FBXL17: variants seen among roughly 807,000 people sequenced by gnomAD.
FBXL17 encodes F-box and leucine rich repeat protein 17.
FBXL17 carries 22 observed loss-of-function variants against 66.2 expected under a neutral mutation model. The observed-to-expected ratio is 0.33, with a 90% CI of 0.24 to 0.47. FBXL17 has a LOEUF of 0.47. Ranked by LOEUF, FBXL17 falls within the 20% of genes least tolerant of loss-of-function variation. The probability of loss-of-function intolerance (pLI) is 1.00; values close to 1 mark genes in which losing one functional copy is unlikely to be tolerated. For missense variants in FBXL17, 878 were observed against 948.2 expected, an observed-to-expected ratio of 0.93 and a Z score of 0.97; for synonymous variants, 474 against 400.5, an observed-to-expected ratio of 1.18 and a Z score of -2.19.
At chr5:108,236,015 A>G (rs2150092647) in intron 4 of FBXL17, among the ~76,000 whole-genome samples, 1 of 152,372 alleles carries the variant, frequency 6.6e-6, no homozygotes, top group Non-Finnish European at 1.5e-5. Context: ...AAAAAAATCA[A>G]TAGCAATACT....
chr5:107,949,622 G>C (rs185551288), intron 7 of FBXL17, among the ~76,000 whole-genome samples: 3 of 152,164 alleles, frequency 2.0e-5, no homozygotes, highest in African/African-American at 7.2e-5. Flanking sequence ...AAAGTTTTAC[G>C]TACAGGCTGA....
chr5:108,062,863 C>T (rs552598463), intron 6 of FBXL17, among the ~76,000 whole-genome samples: 30 of 152,224 alleles, frequency 2.0e-4, no homozygotes, highest in Middle Eastern at 6.8e-3. Flanking sequence ...AGAGAGCTTT[C>T]CTTTCACCTC....
intron 8 of FBXL17, 35 bp downstream of exon 8, chr5:107,881,002 T>G: frequency 5.6e-6 from 9 of 1,614,034 alleles, no homozygotes; most frequent in Non-Finnish European, 7.6e-6. Flanking sequence ...TATACTGATA[T>G]GTAGAAAGCA....
At chr5:108,076,490 AC>A (rs1298633553) in intron 6 of FBXL17, among the ~76,000 whole-genome samples, 1 of 152,236 alleles carries the variant, frequency 6.6e-6, no homozygotes, top group Non-Finnish European at 1.5e-5. Flanking sequence ...ACAATTCTAT[AC>A]ATAAAGTACA....
intron 6 of FBXL17, among the ~76,000 whole-genome samples, chr5:108,182,696 G>GA (rs1180174293): frequency 6.6e-6 from 1 of 151,966 alleles, no homozygotes; most frequent in Non-Finnish European, 1.5e-5. Flanking sequence ...AGTTAAGTAG[G>GA]AAAAAAATGA....
intron 6 of FBXL17, among the ~76,000 whole-genome samples, chr5:108,081,395 G>C (rs1009165866): frequency 6.6e-6 from 1 of 152,144 alleles, no homozygotes; most frequent in Non-Finnish European, 1.5e-5. Flanking sequence ...GAGAAGTTAG[G>C]GTTCCTTACC....
intron 8 of FBXL17, among the ~76,000 whole-genome samples, chr5:107,867,553 G>C (rs1157323277): frequency 6.6e-6 from 1 of 152,244 alleles, no homozygotes; most frequent in African/African-American, 2.4e-5. Context: ...GCTCAGGATG[G>C]CAGGCCCAGG....
In FBXL17 at chr5:107,973,740, G is replaced by A. The variant is rs1352006142; in HGVS notation, c.1822+47185C>T. ...TTAATTCCGTCACCCAGGAAATAAT[G>A]AAAAACGCAGAATGGAATCTAACAC... On this transcript the variant is annotated intron_variant, in intron 7 of 8. Coordinates refer to ENST00000542267, the MANE Select transcript of FBXL17 (RefSeq NM_001163315.3). Among the ~76,000 whole-genome samples the A allele has an allele frequency of 2.6e-5, 4 of 151,702 alleles. No individual in the cohort carries two copies. The East Asian group carries it at 7.8e-4, about 29-fold the overall frequency.
At chr5:108,267,432 T>C (rs778482057) in intron 4 of FBXL17, among the ~76,000 whole-genome samples, 5 of 152,072 alleles carry the variant, frequency 3.3e-5, no homozygotes, top group Non-Finnish European at 5.9e-5. Context: ...TTCTTAATTA[T>C]GTAAATCATC....
At chr5:108,167,730 C>G (rs1752463920) in intron 6 of FBXL17, among the ~76,000 whole-genome samples, 1 of 152,006 alleles carries the variant, frequency 6.6e-6, no homozygotes, top group African/African-American at 2.4e-5. Flanking sequence ...ATCAGTGACA[C>G]TGACAACAAT....
intron 7 of FBXL17, among the ~76,000 whole-genome samples, chr5:107,943,969 A>T (rs1407929340): frequency 1.3e-5 from 2 of 152,160 alleles, no homozygotes; most frequent in African/African-American, 4.8e-5. Flanking sequence ...TAAACCCCTG[A>T]TCTTGAAGGT....
chr5:108,238,686 T>C, intron 4 of FBXL17, among the ~76,000 whole-genome samples: 1 of 152,084 alleles, frequency 6.6e-6, no homozygotes, highest in African/African-American at 2.4e-5. Flanking sequence ...AATATTCTTT[T>C]TTTTGCATTT....
intron 4 of FBXL17, among the ~76,000 whole-genome samples, chr5:108,234,431 G>A (rs897271817): frequency 6.6e-6 from 1 of 152,138 alleles, no homozygotes; most frequent in Admixed American, 6.5e-5. Context: ...CCACTAGCAG[G>A]TGGCAAAACT....
chr5:108,292,658 C>T (rs184841481), intron 4 of FBXL17, among the ~76,000 whole-genome samples: 168 of 152,306 alleles, frequency 1.1e-3, no homozygotes, highest in African/African-American at 3.6e-3. Flanking sequence ...AAGCAATGCT[C>T]GAAGTGTCTT....
chr5:108,273,606 C>T (rs1757366422), intron 4 of FBXL17, among the ~76,000 whole-genome samples: 1 of 151,130 alleles, frequency 6.6e-6, no homozygotes, highest in African/African-American at 2.4e-5. Context: ...ATGTACAGCC[C>T]TAAATGCTTT....
intron 6 of FBXL17, among the ~76,000 whole-genome samples, chr5:108,081,892 T>C (rs1561400647): frequency 6.6e-6 from 1 of 152,162 alleles, no homozygotes; most frequent in Non-Finnish European, 1.5e-5. Flanking sequence ...TCCGAGTAAA[T>C]TTCTAGACTG....
intron 4 of FBXL17, among the ~76,000 whole-genome samples, chr5:108,283,677 G>A (rs1193199743): frequency 6.6e-6 from 1 of 151,574 alleles, no homozygotes; most frequent in Non-Finnish European, 1.5e-5. Context: ...AAAAAGAGAT[G>A]AATGTGACTT....
At chr5:108,370,555 C>G (rs1252069569) in intron 1 of FBXL17, among the ~76,000 whole-genome samples, 1 of 151,956 alleles carries the variant, frequency 6.6e-6, no homozygotes, top group African/African-American at 2.4e-5. Flanking sequence ...CCAGCCTGGC[C>G]AATATGGTGA....
intron 4 of FBXL17, among the ~76,000 whole-genome samples, chr5:108,282,424 C>T (rs1301913166): frequency 2.6e-5 from 4 of 151,686 alleles, no homozygotes; most frequent in South Asian, 2.1e-4. Context: ...ACCATATGAT[C>T]ATCTCATTAG....
Sources: gnomAD v4.1 joint callset for allele counts (sites outside exome capture counted in the v4.1 genomes callset) on GRCh38, gnomAD v4.1.1 for gene constraint, MANE v1.5 for transcripts, NCBI Gene and HGNC (gene_info 2026-07-23, HGNC 2026-07-21) for gene names.